The following AKAP6 variants were observed in gnomAD, a reference collection of about 807,000 sequenced individuals.
The protein encoded by AKAP6 is A-kinase anchoring protein 6, also known as A-kinase anchor protein 6.
Under a neutral mutation model 188.5 loss-of-function variants are expected in AKAP6, and 58 were observed. The observed-to-expected ratio is 0.31, with a 90% CI of 0.25 to 0.38. The LOEUF is 0.38. Among genes scored for constraint, AKAP6 ranks in the 10% least tolerant of loss-of-function variants. The pLI is 1.00. For missense variants in AKAP6, 2,710 were observed against 2,740.0 expected, an observed-to-expected ratio of 0.99 and a Z score of 0.24; for synonymous variants, 989 against 998.6, an observed-to-expected ratio of 0.99 and a Z score of 0.18.
At chr14:32,337,977 A>G (rs1183817768) in intron 1 of AKAP6, among the ~76,000 whole-genome samples, 1 of 152,080 alleles carries the variant, frequency 6.6e-6, no homozygotes, top group Non-Finnish European at 1.5e-5. Flanking sequence ...CCATGATTGC[A>G]TCACTGCACT....
chr14:32,807,610 A>T (rs2034123242), intron 12 of AKAP6, among the ~76,000 whole-genome samples: 1 of 152,236 alleles, frequency 6.6e-6, no homozygotes, highest in South Asian at 2.1e-4. Context: ...TGAGAATATT[A>T]AATTGCCTTT....
intron 12 of AKAP6, among the ~76,000 whole-genome samples, chr14:32,806,961 G>A (rs999975267): frequency 1.3e-5 from 2 of 151,986 alleles, no homozygotes; most frequent in Non-Finnish European, 2.9e-5. Flanking sequence ...GGCTGAGGTG[G>A]GAGACTCGTT....
At chr14:32,471,472 CA>C (rs1384871643) in intron 2 of AKAP6, among the ~76,000 whole-genome samples, 1 of 152,244 alleles carries the variant, frequency 6.6e-6, no homozygotes, top group Non-Finnish European at 1.5e-5. Flanking sequence ...TGTGAATTAG[CA>C]GGCTGAACCT....
chr14:32,793,592 C>T (rs776557219), intron 12 of AKAP6, among the ~76,000 whole-genome samples: 1 of 151,828 alleles, frequency 6.6e-6, no homozygotes, highest in Non-Finnish European at 1.5e-5. Flanking sequence ...CTGTAACACC[C>T]CACTGACACT....
chr14:32,544,867 A>G (rs1883123421), intron 3 of AKAP6, among the ~76,000 whole-genome samples: 1 of 152,184 alleles, frequency 6.6e-6, no homozygotes, highest in Admixed American at 6.5e-5. Context: ...TTACTTTTAC[A>G]TTATTTTGAT....
intron 9 of AKAP6, among the ~76,000 whole-genome samples, chr14:32,726,709 T>G (rs915533019): frequency 3.3e-5 from 5 of 152,254 alleles, no homozygotes; most frequent in Non-Finnish European, 5.9e-5. Flanking sequence ...TCATTGCAGT[T>G]TTACATTGAC....
At chr14:32,463,649 G>GA (rs1188084698) in intron 2 of AKAP6, among the ~76,000 whole-genome samples, 2 of 152,142 alleles carry the variant, frequency 1.3e-5, no homozygotes, top group Non-Finnish European at 2.9e-5. Flanking sequence ...GATAAGGCAG[G>GA]AAAGATCTAA....
At chr14:32,445,542 T>G (rs905091788) in intron 2 of AKAP6, among the ~76,000 whole-genome samples, 10 of 151,972 alleles carry the variant, frequency 6.6e-5, no homozygotes, top group Non-Finnish European at 1.5e-4. Context: ...CCAGCTAATT[T>G]TTTTTTGTAT....
In AKAP6 at chr14:32,546,439, C is replaced by A; in HGVS notation, c.1786C>A (p.Pro596Thr). The change falls in exon 4 of 14, where the codon CCA (proline) becomes ACA (threonine). Residue 596 changes from proline (P) to threonine (T), a missense_variant. Physicochemically the swap from Pro to Thr is conservative, Grantham distance 38. This residue lies in a region of AKAP6 where 2,473 missense variants were observed against 2,426.1 expected (regional missense o/e 1.02). Coordinates refer to ENST00000280979, the MANE Select transcript of AKAP6 (RefSeq NM_004274.5). ...CTCAGACAACATCATGTCTCCGGTG[C>A]CACTTCTTTCAAAACACAAAAGCAA... Reference protein sequence around the residue: ...VGSDNIMSPVPLLSKHKSKKG... With the variant: ...VGSDNIMSPVTLLSKHKSKKG... 1 of 1,614,148 alleles carries A rather than the reference C, an allele frequency of 6.2e-7. No homozygotes were observed. The highest frequency in any genetic ancestry group is 8.5e-7 in the Non-Finnish European group (1 of 1,180,018).
intron 11 of AKAP6, among the ~76,000 whole-genome samples, chr14:32,745,467 C>CTTTCTCTT (rs1566682257): frequency 3.0e-3 from 187 of 62,490 alleles, no homozygotes; most frequent in African/African-American, 0.015. Context: ...TTCATTCTCT[C>CTTTCTCTT]TCTCTCTCTC....
At chr14:32,372,725 G>A (rs1288000580) in intron 1 of AKAP6, among the ~76,000 whole-genome samples, 3 of 151,680 alleles carry the variant, frequency 2.0e-5, no homozygotes, top group East Asian at 3.9e-4. Context: ...TACCTTGGAA[G>A]AATGAATGGT....
At chr14:32,741,653 A>G (rs1045676905) in intron 11 of AKAP6, among the ~76,000 whole-genome samples, 2 of 151,910 alleles carry the variant, frequency 1.3e-5, no homozygotes, top group African/African-American at 4.8e-5. Context: ...TGTTGATATG[A>G]TGGATCACAT....
intron 1 of AKAP6, among the ~76,000 whole-genome samples, chr14:32,352,756 A>G (rs898683721): frequency 2.0e-5 from 3 of 152,222 alleles, no homozygotes; most frequent in Non-Finnish European, 2.9e-5. Context: ...TAGTGGCTGA[A>G]TAATATTCCA....
At chr14:32,612,160 T>C (rs1184462188) in intron 7 of AKAP6, among the ~76,000 whole-genome samples, 1 of 152,186 alleles carries the variant, frequency 6.6e-6, no homozygotes, top group African/African-American at 2.4e-5. Context: ...GTTTGTACCT[T>C]ACATTTGGTG....
At chr14:32,476,475 G>C (rs1879070865) in intron 2 of AKAP6, among the ~76,000 whole-genome samples, 1 of 152,166 alleles carries the variant, frequency 6.6e-6, no homozygotes, top group South Asian at 2.1e-4. Flanking sequence ...AACTTTCCTT[G>C]TGTGCATTAT....
chr14:32,331,106 T>TA (rs972518900), intron 1 of AKAP6, among the ~76,000 whole-genome samples: 29 of 152,102 alleles, frequency 1.9e-4, no homozygotes, highest in Non-Finnish European at 3.5e-4. Flanking sequence ...TAAATCTGGA[T>TA]AAAATCACTT....
At chr14:32,775,379 A>G (rs998441571) in intron 12 of AKAP6, among the ~76,000 whole-genome samples, 2 of 151,408 alleles carry the variant, frequency 1.3e-5, no homozygotes, top group Admixed American at 6.6e-5. Flanking sequence ...TTGAAATCGT[A>G]TGATCAGGGG....
chr14:32,466,829 A>T (rs1047507018), intron 2 of AKAP6, among the ~76,000 whole-genome samples: 6 of 139,294 alleles, frequency 4.3e-5, no homozygotes, highest in African/African-American at 1.4e-4. Flanking sequence ...AAACAAGATT[A>T]TATATATATA....
intron 7 of AKAP6, among the ~76,000 whole-genome samples, chr14:32,635,268 T>G (rs905602625): frequency 6.6e-5 from 10 of 152,072 alleles, no homozygotes; most frequent in Non-Finnish European, 1.2e-4. Context: ...TATGCAACTG[T>G]GAAGAACAGG....
Sources: gnomAD v4.1 joint callset for allele counts (sites outside exome capture counted in the v4.1 genomes callset) on GRCh38, gnomAD v4.1.1 for gene constraint, gnomAD v4.1.1 regional missense constraint, MANE v1.5 for transcripts, NCBI Gene and HGNC (gene_info 2026-07-23, HGNC 2026-07-21) for gene names.